The following DNAJC1 variants were observed in gnomAD, a reference collection of about 807,000 sequenced individuals.
DNAJC1 encodes dnaJ homolog subfamily C member 1.
Under a neutral mutation model 76.6 loss-of-function variants are expected in DNAJC1, and 58 were observed. The ratio of observed to expected loss-of-function variants is 0.76; its 90% CI spans 0.61 to 0.94. The LOEUF (loss-of-function observed/expected upper bound fraction) is 0.94, where lower values mean the gene tolerates loss of function less well. Among genes scored for constraint, DNAJC1 ranks in the 40% least tolerant of loss-of-function variants. The pLI is 0.00. For missense variants in DNAJC1, 689 were observed against 677.3 expected, an observed-to-expected ratio of 1.02 and a Z score of -0.19; for synonymous variants, 258 against 267.9, an observed-to-expected ratio of 0.96 and a Z score of 0.36.
At chr10:21,953,410 G>C (rs925792558) in intron 1 of DNAJC1, among the ~76,000 whole-genome samples, 1 of 151,330 alleles carries the variant, frequency 6.6e-6, no homozygotes, top group African/African-American at 2.4e-5. Context: ...TATTAATAAT[G>C]ATTTAAAAAT....
chr10:21,833,686 G>A (rs572795141), intron 8 of DNAJC1, among the ~76,000 whole-genome samples: 6 of 152,184 alleles, frequency 3.9e-5, no homozygotes, highest in African/African-American at 7.2e-5. Flanking sequence ...GAAGTGCGCA[G>A]AACAGTACCA....
At chr10:21,937,500 T>C (rs572770452) in intron 1 of DNAJC1, among the ~76,000 whole-genome samples, 3 of 151,928 alleles carry the variant, frequency 2.0e-5, no homozygotes, top group Admixed American at 1.3e-4. Context: ...AAAGGAGAAA[T>C]AGACAATTCT....
At chr10:21,964,571 A>G (rs973869694) in intron 1 of DNAJC1, among the ~76,000 whole-genome samples, 2 of 152,104 alleles carry the variant, frequency 1.3e-5, no homozygotes, top group African/African-American at 2.4e-5. Context: ...CTCTCATACA[A>G]TGTTTGCTTA....
intron 1 of DNAJC1, among the ~76,000 whole-genome samples, chr10:21,932,476 G>C (rs1201897453): frequency 6.6e-6 from 1 of 152,118 alleles, no homozygotes; most frequent in South Asian, 2.1e-4. Context: ...AAAATAACCT[G>C]ACAAAAAAAT....
chr10:21,895,095 A>G (rs1406814862), intron 7 of DNAJC1, among the ~76,000 whole-genome samples: 1 of 152,258 alleles, frequency 6.6e-6, no homozygotes, highest in Non-Finnish European at 1.5e-5. Flanking sequence ...TGGTGCTACT[A>G]TAACAAATAC....
intron 1 of DNAJC1, among the ~76,000 whole-genome samples, chr10:21,988,056 C>T (rs1475001607): frequency 6.6e-6 from 1 of 151,986 alleles, no homozygotes; most frequent in African/African-American, 2.4e-5. Context: ...TCATAATTTA[C>T]TCAAATACAC....
intron 6 of DNAJC1, among the ~76,000 whole-genome samples, chr10:21,912,368 T>C (rs1836877855): frequency 6.6e-6 from 1 of 152,194 alleles, no homozygotes; most frequent in Admixed American, 6.5e-5. Flanking sequence ...TGTGGCTTTT[T>C]ATCTTTTCTA....
intron 7 of DNAJC1, among the ~76,000 whole-genome samples, chr10:21,887,706 C>A (rs940700159): frequency 2.0e-5 from 3 of 151,972 alleles, no homozygotes; most frequent in Non-Finnish European, 4.4e-5. Flanking sequence ...GAAACTGGAC[C>A]CCTTCTTTAC....
intron 1 of DNAJC1, among the ~76,000 whole-genome samples, chr10:21,955,462 G>A (rs928255368): frequency 2.0e-5 from 3 of 151,998 alleles, no homozygotes; most frequent in Admixed American, 1.3e-4. Flanking sequence ...GGGACTGAGG[G>A]CCAAAGGATG....
intron 9 of DNAJC1, among the ~76,000 whole-genome samples, chr10:21,783,549 T>G (rs542089260): frequency 5.5e-4 from 83 of 152,272 alleles, no homozygotes; most frequent in African/African-American, 1.8e-3. Context: ...TGGAAAAAAC[T>G]ACTTTAAAGT....
At chr10:21,943,851 T>C (rs1297631709) in intron 1 of DNAJC1, among the ~76,000 whole-genome samples, 1 of 150,994 alleles carries the variant, frequency 6.6e-6, no homozygotes, top group East Asian at 1.9e-4. Flanking sequence ...GTCAGGAAAG[T>C]GAGAAAGATG....
chr10:21,851,569 C>T (rs1835754226), intron 8 of DNAJC1, among the ~76,000 whole-genome samples: 1 of 152,168 alleles, frequency 6.6e-6, no homozygotes, highest in African/African-American at 2.4e-5. Context: ...CAGTGGAAAA[C>T]AGGTTGATGG....
chr10:21,923,237 T>C (rs1837066090), intron 3 of DNAJC1, among the ~76,000 whole-genome samples: 1 of 151,958 alleles, frequency 6.6e-6, no homozygotes, highest in Non-Finnish European at 1.5e-5. Flanking sequence ...CAATGAACTA[T>C]ATTATAGCTC....
chr10:21,835,149 C>T (rs1835428613), intron 8 of DNAJC1, among the ~76,000 whole-genome samples: 1 of 152,148 alleles, frequency 6.6e-6, no homozygotes, highest in Non-Finnish European at 1.5e-5. Context: ...AACGATCAGA[C>T]AGCAGCGTCT....
chr10:21,772,039 C>A (rs981138975), intron 9 of DNAJC1, among the ~76,000 whole-genome samples: 1 of 152,118 alleles, frequency 6.6e-6, no homozygotes, highest in Admixed American at 6.5e-5. Context: ...TCAAGGGATT[C>A]CCCCTGCTTA....
At chr10:21,928,731 T>C (rs1429368359) in intron 2 of DNAJC1, among the ~76,000 whole-genome samples, 179 bp from the exon 3 acceptor site, 1 of 152,178 alleles carries the variant, frequency 6.6e-6, no homozygotes, top group Non-Finnish European at 1.5e-5. Context: ...AGATTAAAAA[T>C]GCTTGATATC....
At chr10:21,827,499 T>C (rs896479741) in intron 8 of DNAJC1, among the ~76,000 whole-genome samples, 1 of 152,210 alleles carries the variant, frequency 6.6e-6, no homozygotes, top group Non-Finnish European at 1.5e-5. Context: ...ATCAAGGTTT[T>C]GGCAGGGTTA....
chr10:21,850,644 T>A (rs905335499), intron 8 of DNAJC1, among the ~76,000 whole-genome samples: 4 of 151,660 alleles, frequency 2.6e-5, no homozygotes. Flanking sequence ...AAAATCCCAA[T>A]GACATGTTTT....
intron 6 of DNAJC1, among the ~76,000 whole-genome samples, chr10:21,908,683 A>T (rs1349913204): frequency 6.6e-6 from 1 of 152,034 alleles, no homozygotes; most frequent in African/African-American, 2.4e-5. Context: ...AGCTTAATAA[A>T]TATTTAATGA....
Sources: allele counts gnomAD v4.1 joint callset (sites outside exome capture counted in the v4.1 genomes callset), GRCh38; gene constraint gnomAD v4.1.1; transcripts MANE v1.5; gene names NCBI Gene and HGNC (gene_info 2026-07-23, HGNC 2026-07-21).